DNAH14: variants seen among roughly 807,000 people sequenced by gnomAD.
DNAH14 encodes dynein axonemal heavy chain 14.
Under a neutral mutation model 520.9 loss-of-function variants are expected in DNAH14, and 478 were observed. The ratio of observed to expected loss-of-function variants is 0.92; its 90% confidence interval spans 0.85 to 0.99. The LOEUF (loss-of-function observed/expected upper bound fraction) is 0.99, where lower values mean the gene tolerates loss of function less well. Ranked by LOEUF, DNAH14 falls within the 50% of genes least tolerant of loss-of-function variation. The probability of loss-of-function intolerance (pLI) is 0.00; values close to 1 mark genes in which losing one functional copy is unlikely to be tolerated. For synonymous variants in DNAH14, 1,581 were observed against 1,757.2 expected, an observed-to-expected ratio of 0.90 and a Z score of 2.51; for missense variants, 4,831 against 5,234.5, an observed-to-expected ratio of 0.92 and a Z score of 2.38.
At chr1:224,968,927 G>A in intron 7 of DNAH14, 53 bp downstream of exon 7, 3 of 1,229,522 alleles carry the variant, frequency 2.4e-6, no homozygotes, top group Non-Finnish European at 3.4e-6. Context: ...TATTGAAGGA[G>A]CAGTTGCCTG....
At chr1:225,094,656 C>CA (rs760828776) in intron 21 of DNAH14, among the ~76,000 whole-genome samples, 1,420 of 77,438 alleles carry the variant, frequency 0.018, 20 homozygotes, top group Middle Eastern at 0.052. Flanking sequence ...TTCTGCACAG[C>CA]AAAAAAAAAA....
chr1:225,106,851 T>C (rs1199438928), intron 23 of DNAH14, among the ~76,000 whole-genome samples: 1 of 152,206 alleles, frequency 6.6e-6, no homozygotes, highest in Admixed American at 6.5e-5. Flanking sequence ...CAGAATAGTT[T>C]GATCATCTGA....
chr1:225,333,476 T>C lies in DNAH14; in HGVS notation c.10050T>C (p.Ser3350=), dbSNP rs1360982221. 1 of 1,551,158 alleles carries C rather than the reference T, an allele frequency of 6.4e-7. No individual in the cohort carries two copies. Among genetic ancestry groups the C allele is most frequent in the South Asian group, 1.2e-5 (1 of 84,034 alleles). The change falls in exon 66 of 86, where the codon TCT becomes TCC. Residue 3350 remains serine, a synonymous_variant. Transcript: ENST00000682510. ...ENGISLSSKF[S]LIKVMAQKYE... ...GCATTTCTTTGTCTTCCAAATTCTC[T>C]TTAATTAAAGTTATGGCACAAAAAT...
At position 224,935,980 on chromosome 1, in the gene DNAH14, G is replaced by T. The variant is rs185356608; in HGVS notation, c.-34+6145G>T. ...CCTGAATGACCAGTGAGTCAATGAA[G>T]AAATTAAGACAGAAACAAAAAAAAT... On this transcript the variant is annotated intron_variant, in intron 1 of 85. Transcript: ENST00000682510. Among the ~76,000 whole-genome samples the T allele has an allele frequency of 1.1e-4, 17 of 151,588 alleles. No individual in the cohort carries two copies. The East Asian group carries it at 2.9e-3, about 26-fold the overall frequency.
At chr1:225,203,393 C>T (rs1482039859) in intron 38 of DNAH14, among the ~76,000 whole-genome samples, 1 of 152,162 alleles carries the variant, frequency 6.6e-6, no homozygotes, top group African/African-American at 2.4e-5. Context: ...GAATTGATTA[C>T]TATTTGCTGG....
chr1:225,243,242 A>C (rs1045164110), intron 43 of DNAH14, among the ~76,000 whole-genome samples: 1 of 152,194 alleles, frequency 6.6e-6, no homozygotes, highest in Non-Finnish European at 1.5e-5. Flanking sequence ...ATCTTAAAAC[A>C]ATGAATATGA....
chr1:225,388,592 T>A, intron 82 of DNAH14, 101 bp downstream of exon 82: 1 of 651,370 alleles, frequency 1.5e-6, no homozygotes, highest in Non-Finnish European at 2.6e-6. Flanking sequence ...GTTCTCACAG[T>A]AATGTGTGAA....
At chr1:225,240,926 TG>T in intron 43 of DNAH14, 104 bp downstream of exon 43, 1 of 917,426 alleles carries the variant, frequency 1.1e-6, no homozygotes, top group Non-Finnish European at 1.6e-6. Flanking sequence ...ATGTTAAGAT[TG>T]AAGGAAAAAG....
rs574130457 is a variant in DNAH14, at chr1:225,355,665, T to A, written c.11619+1777T>A. 2.1e-3 allele frequency among the ~76,000 whole-genome samples: 316 copies of A among 152,322 alleles called. 1 individual carries two copies. The highest frequency in any genetic ancestry group is 6.4e-3 in the African/African-American group (268 of 41,586). On this transcript the variant is annotated intron_variant, in intron 73 of 85. Transcript: ENST00000682510. ...TAACTAAAATAAATATCAGATTTTT[T>A]AAAAAAATATATGTATACATATCTT...
chr1:224,964,668 A>G (rs1460652064), intron 5 of DNAH14, 59 bp downstream of exon 5: 5 of 1,320,172 alleles, frequency 3.8e-6, no homozygotes, highest in Non-Finnish European at 5.0e-6. Flanking sequence ...ATTATATTTT[A>G]ATTTTTATTT....
At chr1:225,145,679 A>G (rs1333809577) in intron 30 of DNAH14, among the ~76,000 whole-genome samples, 1 of 152,224 alleles carries the variant, frequency 6.6e-6, no homozygotes, top group Non-Finnish European at 1.5e-5. Context: ...ATGAATATAT[A>G]AAACAATTAA....
intron 10 of DNAH14, among the ~76,000 whole-genome samples, chr1:225,013,855 G>A (rs1280662960): frequency 6.6e-6 from 1 of 152,124 alleles, no homozygotes; most frequent in Admixed American, 6.6e-5. Flanking sequence ...TGCTGGTAGC[G>A]AGAATTTCAA....
At chr1:225,132,321 C>T (rs1482058687) in intron 27 of DNAH14, among the ~76,000 whole-genome samples, 1 of 151,912 alleles carries the variant, frequency 6.6e-6, no homozygotes, top group African/African-American at 2.4e-5. Context: ...AGGTATTAAG[C>T]CCAGCACCCA....
At chr1:225,345,890 G>C in intron 69 of DNAH14, 72 bp from the exon 70 acceptor site, 1 of 1,299,074 alleles carries the variant, frequency 7.7e-7, no homozygotes, top group Non-Finnish European at 1.1e-6. Flanking sequence ...TACACAAAGA[G>C]TGCAGAGTGA....
chr1:225,391,170 A>C (rs2095906263), intron 83 of DNAH14, among the ~76,000 whole-genome samples: 1 of 152,232 alleles, frequency 6.6e-6, no homozygotes, highest in Admixed American at 6.5e-5. Flanking sequence ...TGTAAGACAC[A>C]CTGAGGGAGC....
intron 3 of DNAH14, among the ~76,000 whole-genome samples, chr1:224,956,450 C>T (rs938328922): frequency 6.6e-6 from 1 of 151,968 alleles, no homozygotes; most frequent in Admixed American, 6.6e-5. Flanking sequence ...TTACAGTTGC[C>T]AACAGTATTC....
In DNAH14 at chr1:225,226,107, G is replaced by A. The variant is rs148778443; in HGVS notation, c.6440-4966G>A. ...ATAAACCTTCTTATTCTCTCACTCT[G>A]CCTGCAACCCGCAACTGTTACTCTA... On this transcript the variant is annotated intron_variant, in intron 41 of 85. Transcript: ENST00000682510. Among the ~76,000 whole-genome samples, 26 of 152,208 alleles carry A rather than the reference G, an allele frequency of 1.7e-4. No homozygotes were observed. In the East Asian group the frequency reaches 4.8e-3, roughly 28 times the overall value.
chr1:225,105,322 G>A (rs570198788), intron 23 of DNAH14, among the ~76,000 whole-genome samples: 1 of 152,076 alleles, frequency 6.6e-6, no homozygotes, highest in Non-Finnish European at 1.5e-5. Flanking sequence ...GGTCAATTTT[G>A]GAATAAGTGC....
In DNAH14 at chr1:225,399,072, A is replaced by C. The variant is rs540318865; in HGVS notation, c.13657A>C (p.Asn4553His). 1.3e-6 allele frequency: 2 copies of C among 1,549,348 alleles called. No individual in the cohort carries two copies. The highest frequency in any genetic ancestry group is 1.7e-6 in the Non-Finnish European group (2 of 1,146,280). Residue 4553 changes from asparagine (N) to histidine (H), a missense_variant, in exon 86 of 86, where the codon AAT becomes CAT. Transcript: ENST00000682510. ...LPTKISTKTP[N>H]ASNQTDSELY... is the part of the protein sequence containing the mutation. ...TTTAAAGATTTCTACCAAAACACCA[A>C]ATGCTTCCAACCAGACAGATTCAGA...
Sources: allele counts gnomAD v4.1 joint callset (sites outside exome capture counted in the v4.1 genomes callset), GRCh38; gene constraint gnomAD v4.1.1; transcripts MANE v1.5; gene names NCBI Gene and HGNC (gene_info 2026-07-23, HGNC 2026-07-21).